Variants in OPCML observed in about 807,000 individuals in gnomAD.
OPCML encodes opioid binding protein/cell adhesion molecule like, also known as opioid-binding protein/cell adhesion molecule.
OPCML carries 13 observed loss-of-function variants against 37.8 expected under a neutral mutation model. That is an observed-to-expected ratio of 0.34 (90% confidence interval 0.22 to 0.55). The LOEUF (loss-of-function observed/expected upper bound fraction) is 0.55. Among genes scored for constraint, OPCML ranks in the 20% least tolerant of loss-of-function variants. The pLI, the probability that OPCML is intolerant of heterozygous loss-of-function variation, is 0.91. For missense variants in OPCML, 341 were observed against 435.6 expected (o/e 0.78, Z 1.93); for synonymous variants, 176 against 168.8 (o/e 1.04, Z -0.33).
chr11:132,533,202 C>G (rs1313087883), intron 3 of OPCML, among the ~76,000 whole-genome samples: 4 of 152,160 alleles, frequency 2.6e-5, no homozygotes, highest in African/African-American at 9.7e-5. Flanking sequence ...GCTGGTGCTG[C>G]AGGTATCTGC....
chr11:133,127,338 G>T (rs986728287), intron 1 of OPCML, among the ~76,000 whole-genome samples: 1 of 152,072 alleles, frequency 6.6e-6, no homozygotes. Flanking sequence ...TGAGTCCAAA[G>T]TCATTTATCT....
intron 1 of OPCML, among the ~76,000 whole-genome samples, chr11:133,339,060 C>T (rs947269996): frequency 6.6e-6 from 1 of 152,194 alleles, no homozygotes; most frequent in Non-Finnish European, 1.5e-5. Context: ...CATCAGGATA[C>T]ATTTCAAAAT....
At chr11:132,744,077 A>G (rs905785538) in intron 2 of OPCML, among the ~76,000 whole-genome samples, 1 of 152,216 alleles carries the variant, frequency 6.6e-6, no homozygotes, top group Non-Finnish European at 1.5e-5. Context: ...TCGTTAGCCT[A>G]TTCTGCCCAC....
intron 1 of OPCML, among the ~76,000 whole-genome samples, chr11:133,366,282 T>C (rs1432739565): frequency 6.6e-6 from 1 of 152,106 alleles, no homozygotes; most frequent in Non-Finnish European, 1.5e-5. Context: ...GCCTGCCAGG[T>C]TTATTGAAGG....
At chr11:132,468,035 A>C (rs890756841) in intron 4 of OPCML, among the ~76,000 whole-genome samples, 5 of 152,182 alleles carry the variant, frequency 3.3e-5, no homozygotes, top group African/African-American at 9.7e-5. Context: ...TGTGACCTAC[A>C]GGTTGAAAGG....
chr11:133,444,545 A>T (rs540387128), intron 1 of OPCML, among the ~76,000 whole-genome samples: 35 of 152,322 alleles, frequency 2.3e-4, no homozygotes, highest in African/African-American at 7.7e-4. Context: ...CCACAGAACA[A>T]AAAAATAATT....
chr11:133,158,449 A>ACCAG (rs1054497811), intron 1 of OPCML, among the ~76,000 whole-genome samples: 6 of 151,992 alleles, frequency 3.9e-5, no homozygotes, highest in Non-Finnish European at 5.9e-5. Context: ...CGCCTGTAAT[A>ACCAG]CCAGCACTTT....
At chr11:132,806,595 A>C (rs1939026925) in intron 2 of OPCML, among the ~76,000 whole-genome samples, 1 of 152,152 alleles carries the variant, frequency 6.6e-6, no homozygotes. Flanking sequence ...ACAGAGTATC[A>C]AAATCCATAA....
chr11:133,300,082 A>G (rs1199290886), intron 1 of OPCML: 1 of 152,252 alleles, frequency 6.6e-6, no homozygotes, highest in Non-Finnish European at 1.5e-5. Flanking sequence ...AGCAGTAGGA[A>G]CAGCAGTACA....
At chr11:133,420,735 T>C (rs1379836198) in intron 1 of OPCML, 11 of 985,308 alleles carry the variant, frequency 1.1e-5, no homozygotes, top group Non-Finnish European at 1.3e-5. Context: ...GCTTGGGGAC[T>C]AGGTTTAAAA....
intron 1 of OPCML, among the ~76,000 whole-genome samples, chr11:133,158,698 AAAAAT>A (rs1310337124): frequency 7.2e-6 from 1 of 139,034 alleles, no homozygotes. Context: ...GACTCTGTCT[AAAAAT>A]AAAATTAAAA....
At chr11:132,869,550 C>A (rs1170940808) in intron 2 of OPCML, among the ~76,000 whole-genome samples, 1 of 151,832 alleles carries the variant, frequency 6.6e-6, no homozygotes. Context: ...AAATAATGAA[C>A]CTTTTTTCCT....
chr11:133,144,176 G>A (rs928092197), intron 1 of OPCML, among the ~76,000 whole-genome samples: 3 of 152,000 alleles, frequency 2.0e-5, no homozygotes, highest in African/African-American at 7.2e-5. Flanking sequence ...TAGAAAAACA[G>A]GGAAAAAACA....
intron 1 of OPCML, among the ~76,000 whole-genome samples, chr11:133,438,867 A>C (rs1196623228): frequency 2.0e-5 from 3 of 152,146 alleles, no homozygotes; most frequent in Non-Finnish European, 4.4e-5. Flanking sequence ...CCTAAGTATT[A>C]ATAGGTTCAG....
intron 1 of OPCML, among the ~76,000 whole-genome samples, chr11:133,080,481 T>G (rs547743214): frequency 0.035 from 5,240 of 151,462 alleles, 308 homozygotes; most frequent in African/African-American, 0.12. Flanking sequence ...AATGTTTTTT[T>G]TTTTTTTTTT....
intron 1 of OPCML, among the ~76,000 whole-genome samples, chr11:133,335,214 G>A (rs1485523271): frequency 1.3e-5 from 2 of 152,138 alleles, no homozygotes; most frequent in Non-Finnish European, 2.9e-5. Flanking sequence ...GATGGGCAAG[G>A]CTGCCGTTCT....
chr11:132,760,080 T>G (rs758776020), intron 2 of OPCML, among the ~76,000 whole-genome samples: 2 of 152,196 alleles, frequency 1.3e-5, no homozygotes, highest in Non-Finnish European at 2.9e-5. Flanking sequence ...AGGAGCAGGT[T>G]GTTCAGTTTC....
At position 133,238,538 on chromosome 11, in the gene OPCML, G is replaced by A. The variant is rs1433067167; in HGVS notation, c.61+293726C>T. ...ACTTAGAATCACCGGTGTGGCTCACGTAAGTGTATGCAGTGCTTCTGCTGA... is the reference window on the plus strand; with the variant it reads ...ACTTAGAATCACCGGTGTGGCTCACATAAGTGTATGCAGTGCTTCTGCTGA... On this transcript the variant is annotated intron_variant, in intron 1 of 7. Transcript: ENST00000524381. 2.0e-5 allele frequency among the ~76,000 whole-genome samples: 3 copies of A among 152,120 alleles called. 1 individual carries two copies. Among genetic ancestry groups the A allele is most frequent in the South Asian group, 4.1e-4 (2 of 4,826 alleles).
At chr11:133,025,897 C>A (rs985708647) in intron 1 of OPCML, 1 of 179,036 alleles carries the variant, frequency 5.6e-6, no homozygotes, top group East Asian at 1.9e-4. Flanking sequence ...CCAAGCCTGG[C>A]TAATTTTTTG....
Sources: allele counts gnomAD v4.1 joint callset (sites outside exome capture counted in the v4.1 genomes callset), GRCh38; gene constraint gnomAD v4.1.1; transcripts MANE v1.5; gene names NCBI Gene and HGNC (gene_info 2026-07-23, HGNC 2026-07-21).